Variants in SGCD observed in about 807,000 individuals in gnomAD.
SGCD encodes sarcoglycan delta, also known as delta-sarcoglycan.
SGCD carries 18 observed loss-of-function variants against 36.6 expected under a neutral mutation model. The observed-to-expected ratio is 0.49, with a 90% CI of 0.34 to 0.73. The LOEUF is 0.73. Ranked by LOEUF, SGCD falls within the 30% of genes least tolerant of loss-of-function variation. The probability of loss-of-function intolerance (pLI) is 0.01; values close to 1 mark genes in which losing one functional copy is unlikely to be tolerated. For missense variants in SGCD, 387 were observed against 346.7 expected, an observed-to-expected ratio of 1.12 and a Z score of -0.92; for synonymous variants, 133 against 130.6, an observed-to-expected ratio of 1.02 and a Z score of -0.12.
At chr5:155,822,189 G>C in the SGCD span, among the ~76,000 whole-genome samples, 1 of 152,150 alleles carries the variant, frequency 6.6e-6, no homozygotes, top group African/African-American at 2.4e-5. Context: ...TCTAGAGTCA[G>C]CTCCTAAGAC....
the SGCD span, among the ~76,000 whole-genome samples, chr5:155,849,586 A>C: frequency 6.6e-6 from 1 of 152,168 alleles, no homozygotes; most frequent in Admixed American, 6.5e-5. Context: ...AAGTTTTTGG[A>C]AGGATATTGA....
the SGCD span, among the ~76,000 whole-genome samples, chr5:155,768,163 G>C: frequency 2.0e-5 from 3 of 152,108 alleles, no homozygotes; most frequent in Non-Finnish European, 4.4e-5. Context: ...GGAAGGAAAT[G>C]AAATTTGTAT....
chr5:156,616,423 T>C (rs1474861516), intron 6 of SGCD, among the ~76,000 whole-genome samples: 1 of 152,124 alleles, frequency 6.6e-6, no homozygotes, highest in Non-Finnish European at 1.5e-5. Context: ...GGAGAGGGAA[T>C]AGGTGCTAGG....
chr5:155,896,852 A>G (rs2113329282), intron 1 of SGCD, among the ~76,000 whole-genome samples: 1 of 152,322 alleles, frequency 6.6e-6, no homozygotes, highest in South Asian at 2.1e-4. Context: ...TGGAAAAACA[A>G]CACTAAAGTT....
At chr5:156,227,790 T>G (rs757011656) in intron 3 of SGCD, among the ~76,000 whole-genome samples, 3 of 152,148 alleles carry the variant, frequency 2.0e-5, no homozygotes, top group Non-Finnish European at 4.4e-5. Context: ...GCTATGAACT[T>G]TCCTCTTAAC....
intron 1 of SGCD, among the ~76,000 whole-genome samples, chr5:155,883,210 C>T (rs916589392): frequency 8.5e-5 from 13 of 152,308 alleles, no homozygotes; most frequent in Middle Eastern, 3.4e-3. Context: ...ATCACTCAAA[C>T]TTTCTCCATA....
chr5:156,656,163 C>T (rs542777292), intron 7 of SGCD, among the ~76,000 whole-genome samples: 89 of 152,214 alleles, frequency 5.8e-4, no homozygotes, highest in African/African-American at 2.1e-3. Context: ...TCTTCATGTT[C>T]ACAGTCAGCT....
chr5:156,204,473 TACACACACACACAC>T (rs58745098), intron 3 of SGCD, among the ~76,000 whole-genome samples: 2 of 147,404 alleles, frequency 1.4e-5, no homozygotes, highest in African/African-American at 5.0e-5. Flanking sequence ...AACACACTCA[TACACACACACACAC>T]ACACACACAC....
intron 6 of SGCD, among the ~76,000 whole-genome samples, chr5:156,640,483 C>A (rs1374772294): frequency 7.6e-6 from 1 of 131,238 alleles, no homozygotes. Flanking sequence ...ACCTGTGTTG[C>A]TACAATAAAA....
chr5:156,186,014 A>G (rs1317620345), intron 3 of SGCD, among the ~76,000 whole-genome samples: 3 of 150,284 alleles, frequency 2.0e-5, no homozygotes, highest in African/African-American at 7.3e-5. Context: ...TGGTAGAAGC[A>G]TCCTGTATTA....
At chr5:155,737,888 C>T in the SGCD span, among the ~76,000 whole-genome samples, 1 of 152,010 alleles carries the variant, frequency 6.6e-6, no homozygotes, top group Non-Finnish European at 1.5e-5. Context: ...ATGGGTTTGG[C>T]GGTGGGAACC....
chr5:156,640,652 A>G (rs143012967), intron 6 of SGCD, among the ~76,000 whole-genome samples: 39 of 152,314 alleles, frequency 2.6e-4, no homozygotes, highest in African/African-American at 5.8e-4. Context: ...CTTAACTTGC[A>G]ATTCCTAAAT....
At chr5:156,567,248 T>A (rs1308811746) in intron 4 of SGCD, among the ~76,000 whole-genome samples, 1 of 151,674 alleles carries the variant, frequency 6.6e-6, no homozygotes, top group Admixed American at 6.6e-5. Flanking sequence ...TCTCAGTTAG[T>A]ATTCTCCAGA....
intron 2 of SGCD, among the ~76,000 whole-genome samples, chr5:156,339,162 G>T (rs1417224967): frequency 6.6e-6 from 1 of 152,194 alleles, no homozygotes; most frequent in Non-Finnish European, 1.5e-5. Context: ...TTATATGATA[G>T]CATTGTCTTG....
chr5:155,994,798 C>T (rs1758505875), intron 1 of SGCD, among the ~76,000 whole-genome samples: 1 of 152,140 alleles, frequency 6.6e-6, no homozygotes, highest in Non-Finnish European at 1.5e-5. Context: ...AGCTGAAGTG[C>T]TTGGGTGAGG....
At chr5:156,092,863 A>T (rs556905524) in intron 1 of SGCD, among the ~76,000 whole-genome samples, 11 of 152,296 alleles carry the variant, frequency 7.2e-5, no homozygotes, top group Non-Finnish European at 1.5e-4. Flanking sequence ...GTTGTGAGAA[A>T]GTTTTATTGT....
chr5:156,730,381 C>T (rs1755995781), intron 7 of SGCD, among the ~76,000 whole-genome samples: 1 of 152,102 alleles, frequency 6.6e-6, no homozygotes, highest in South Asian at 2.1e-4. Flanking sequence ...TATCCTCTCA[C>T]CCTGCCAAAA....
chr5:156,329,833 C>T (rs1020104413), intron 2 of SGCD, among the ~76,000 whole-genome samples: 3 of 151,762 alleles, frequency 2.0e-5, no homozygotes, highest in Non-Finnish European at 2.9e-5. Context: ...CTGGCTAACA[C>T]GGTGAAATCC....
chr5:156,756,625 AG>A (rs1757345109), intron 7 of SGCD, among the ~76,000 whole-genome samples: 1 of 152,230 alleles, frequency 6.6e-6, no homozygotes, highest in Admixed American at 6.5e-5. Flanking sequence ...TTAGGCAAAA[AG>A]CTTCCTCCTA....
Sources: allele counts gnomAD v4.1 joint callset (sites outside exome capture counted in the v4.1 genomes callset), GRCh38; gene constraint gnomAD v4.1.1; transcripts MANE v1.5; gene names NCBI Gene and HGNC (gene_info 2026-07-23, HGNC 2026-07-21).